EPB41L2: variants seen among roughly 807,000 people sequenced by gnomAD.
The protein encoded by EPB41L2 is band 4.1-like protein 2.
A neutral mutation model predicts 113.0 loss-of-function variants in EPB41L2; 43 were observed. The ratio of observed to expected loss-of-function variants is 0.38; its 90% CI spans 0.30 to 0.49. EPB41L2 has a LOEUF of 0.49. EPB41L2 is among the 20% of genes least tolerant of loss of function. The probability of loss-of-function intolerance (pLI) is 0.95; values close to 1 mark genes in which losing one functional copy is unlikely to be tolerated. For synonymous variants in EPB41L2, 442 were observed against 436.7 expected, an observed-to-expected ratio of 1.01 and a Z score of -0.15; for missense variants, 1,147 against 1,223.4, an observed-to-expected ratio of 0.94 and a Z score of 0.93.
At chr6:131,058,560 C>T (rs1798044162) in intron 1 of EPB41L2, among the ~76,000 whole-genome samples, 1 of 152,144 alleles carries the variant, frequency 6.6e-6, no homozygotes, top group Non-Finnish European at 1.5e-5. Flanking sequence ...AGATTCTTCA[C>T]CTCTAATATA....
At chr6:130,855,810 C>A (rs147104336) in intron 19 of EPB41L2, among the ~76,000 whole-genome samples, 5 of 150,212 alleles carry the variant, frequency 3.3e-5, no homozygotes, top group African/African-American at 1.2e-4. Flanking sequence ...ACACAGCAAT[C>A]TGATTCTAAA....
chr6:131,021,865 T>C (rs1485994560), intron 1 of EPB41L2, among the ~76,000 whole-genome samples: 1 of 152,172 alleles, frequency 6.6e-6, no homozygotes, highest in East Asian at 1.9e-4. Context: ...GTGCTCATAA[T>C]TACCACACTA....
intron 1 of EPB41L2, among the ~76,000 whole-genome samples, chr6:131,020,606 T>C (rs1178907168): frequency 1.3e-5 from 2 of 152,224 alleles, no homozygotes; most frequent in Non-Finnish European, 2.9e-5. Flanking sequence ...TTTTTCATGC[T>C]AGATATCTAA....
intron 17 of EPB41L2, among the ~76,000 whole-genome samples, chr6:130,863,993 ATC>A (rs1441720417): frequency 6.6e-6 from 1 of 152,240 alleles, no homozygotes; most frequent in African/African-American, 2.4e-5. Context: ...CATCTGTCCC[ATC>A]TTAATCTCAC....
Position 130,956,296 on chromosome 6 carries a change from T to C in EPB41L2, c.190A>G (p.Arg64Gly), listed in dbSNP as rs1205592152. The change falls in exon 2 of 20, where the codon AGA (arginine) becomes GGA (glycine). Residue 64 changes from arginine to glycine, a missense_variant. Coordinates refer to ENST00000337057, the MANE Select transcript of EPB41L2 (RefSeq NM_001431.4). ...CTGCTCTCCGATGTTTCCTTCTCTC[T>C]CTTCTGGCGGCGTAGACTACTTTGG... ...ESQSSLRRQK[R>G]EKETSESRGI... The C allele has an allele frequency of 1.9e-6, 3 of 1,614,072 alleles. No homozygotes were observed. Among genetic ancestry groups the C allele is most frequent in the Non-Finnish European group, 2.5e-6 (3 of 1,180,034 alleles).
chr6:130,858,141 C>G lies in EPB41L2; in HGVS notation c.3013G>C (p.Asp1005His). The G allele has an allele frequency of 6.2e-7, 1 of 1,613,366 alleles. No homozygotes were observed. Among genetic ancestry groups the G allele is most frequent in the Non-Finnish European group, 8.5e-7 (1 of 1,179,402 alleles). ...KETELAEEGE[D>H] ...TGAGGGCTCTCTTACCTTACTTAAT[C>G]TTCCCCTTCCTCAGCCAACTCTGTT... Residue 1005 changes from aspartate to histidine, a missense_variant, in exon 19 of 20, where the codon GAT becomes CAT. Coordinates refer to ENST00000337057, the MANE Select transcript of EPB41L2 (RefSeq NM_001431.4).
At chr6:130,865,842 G>C (rs553348344) in intron 16 of EPB41L2, 1 of 535,808 alleles carries the variant, frequency 1.9e-6, no homozygotes, top group African/African-American at 1.9e-5. Context: ...ACTCAACTGT[G>C]TGAGTGGAGA....
At chr6:130,842,690 T>G (rs568310367) in intron 19 of EPB41L2, among the ~76,000 whole-genome samples, 33 of 152,268 alleles carry the variant, frequency 2.2e-4, no homozygotes, top group Admixed American at 3.3e-4. Context: ...TTGTAATGAG[T>G]CATAAATTTG....
At chr6:130,883,924 T>C (rs529171851) in intron 12 of EPB41L2, among the ~76,000 whole-genome samples, 1 of 152,326 alleles carries the variant, frequency 6.6e-6, no homozygotes, top group African/African-American at 2.4e-5. Context: ...TGAGACCTTC[T>C]CCATGCTGGG....
At chr6:130,906,493 A>G (rs191628618) in intron 5 of EPB41L2, among the ~76,000 whole-genome samples, 1 of 152,310 alleles carries the variant, frequency 6.6e-6, no homozygotes, top group East Asian at 1.9e-4. Context: ...TTTTCAAGTT[A>G]AACTTTTAAT....
At chr6:130,885,378 G>A in intron 11 of EPB41L2, 110 bp from the exon 12 acceptor site, 1 of 958,624 alleles carries the variant, frequency 1.0e-6, no homozygotes, top group Non-Finnish European at 1.6e-6. Flanking sequence ...TAGTGAACAG[G>A]AACAGAGACA....
intron 1 of EPB41L2, among the ~76,000 whole-genome samples, chr6:131,044,759 C>T (rs1327638118): frequency 1.3e-5 from 2 of 152,132 alleles, no homozygotes; most frequent in Non-Finnish European, 2.9e-5. Context: ...AGGCAGAAAA[C>T]TTCCCTTCTC....
Position 130,955,129 on chromosome 6 carries a change from G to A in EPB41L2, c.681C>T (p.Gly227=), listed in dbSNP as rs754260306. 2 of 1,614,114 alleles carry A rather than the reference G, an allele frequency of 1.2e-6. No individual in the cohort carries two copies. Among genetic ancestry groups the A allele is most frequent in the South Asian group, 1.1e-5 (1 of 91,074 alleles). The change falls in exon 3 of 20, where the codon GGC becomes GGT. Residue 227 remains glycine (G), a synonymous_variant. Coordinates refer to ENST00000337057, the MANE Select transcript of EPB41L2 (RefSeq NM_001431.4). ...TVQCKVTLLD[G]TEYSCDLEKH... Reference sequence around the variant, plus strand: ...CCTCCAGGTCACAGCTGTATTCGGTGCCATCTAAGAGGGTCACTTTACACT... The same window carrying A: ...CCTCCAGGTCACAGCTGTATTCGGTACCATCTAAGAGGGTCACTTTACACT...
intron 1 of EPB41L2, among the ~76,000 whole-genome samples, chr6:130,965,816 C>T (rs530716806): frequency 6.6e-6 from 1 of 152,246 alleles, no homozygotes; most frequent in African/African-American, 2.4e-5. Context: ...CATTCTCAAA[C>T]AATTGCTAGC....
chr6:130,951,275 G>A (rs75047309), intron 3 of EPB41L2, among the ~76,000 whole-genome samples: 30,556 of 107,982 alleles, frequency 0.28, 7,053 homozygotes, highest in East Asian at 0.44. Flanking sequence ...AGGGGGAGGG[G>A]GGGAGGGGAG....
intron 12 of EPB41L2, chr6:130,881,143 T>C (rs1265195578): frequency 2.0e-5 from 3 of 152,188 alleles, no homozygotes; most frequent in Non-Finnish European, 4.4e-5. Flanking sequence ...ACTGACTGAA[T>C]TTTGACTCAA....
chr6:131,023,645 ACTGCACTCCAGC>A (rs1327341189), intron 1 of EPB41L2, among the ~76,000 whole-genome samples: 81 of 151,854 alleles, frequency 5.3e-4, no homozygotes, highest in African/African-American at 1.8e-3. Flanking sequence ...AGATCGTGCC[ACTGCACTCCAGC>A]CTGGGCAACA....
At chr6:130,848,186 C>G (rs1311635590) in intron 19 of EPB41L2, among the ~76,000 whole-genome samples, 2 of 114,764 alleles carry the variant, frequency 1.7e-5, no homozygotes, top group East Asian at 4.9e-4. Context: ...CTCTCTGTCT[C>G]TCTCTCTCTC....
intron 1 of EPB41L2, among the ~76,000 whole-genome samples, chr6:131,048,150 A>G (rs1198820136): frequency 7.1e-6 from 1 of 141,440 alleles, no homozygotes; most frequent in Non-Finnish European, 1.5e-5. Flanking sequence ...AAAAAAAAAA[A>G]AAAAAAAGAA....
Sources: allele counts gnomAD v4.1 joint callset (sites outside exome capture counted in the v4.1 genomes callset), GRCh38; gene constraint gnomAD v4.1.1; transcripts MANE v1.5; gene names NCBI Gene and HGNC (gene_info 2026-07-23, HGNC 2026-07-21).